Variants in LTN1 observed in about 807,000 individuals in gnomAD.
The protein encoded by LTN1 is listerin E3 ubiquitin protein ligase 1.
In LTN1, 88 loss-of-function variants were observed where a neutral mutation model predicts 201.2. That is an observed-to-expected ratio of 0.44 (90% CI 0.37 to 0.52). LTN1 has a LOEUF of 0.52. Ranked by LOEUF, LTN1 falls within the 20% of genes least tolerant of loss-of-function variation. The pLI is 0.00. For synonymous variants in LTN1, 645 were observed against 713.5 expected (o/e 0.90, Z 1.53); for missense variants, 1,752 against 2,038.7 (o/e 0.86, Z 2.71).
intron 6 of LTN1, among the ~76,000 whole-genome samples, chr21:28,972,693 G>A (rs2084584913): frequency 6.6e-6 from 1 of 152,130 alleles, no homozygotes; most frequent in African/African-American, 2.4e-5. Flanking sequence ...ATAAAGTGAG[G>A]CTTAATATCT....
chr21:28,934,541 C>T (rs1036461567), intron 27 of LTN1, among the ~76,000 whole-genome samples: 3 of 152,142 alleles, frequency 2.0e-5, no homozygotes, highest in Admixed American at 2.0e-4. Flanking sequence ...ATGTGAAGTG[C>T]TGACTCCCAT....
intron 1 of LTN1, among the ~76,000 whole-genome samples, chr21:28,989,993 G>C (rs2084732699): frequency 6.6e-6 from 1 of 151,024 alleles, no homozygotes; most frequent in African/African-American, 2.4e-5. Flanking sequence ...AAAAAAAAAA[G>C]TTATCTATGT....
At chr21:28,975,216 TACG>T (rs2146307899) in intron 6 of LTN1, among the ~76,000 whole-genome samples, 1 of 151,908 alleles carries the variant, frequency 6.6e-6, no homozygotes, top group South Asian at 2.1e-4. Flanking sequence ...TAAAGGAAAA[TACG>T]ATGAGGATGA....
At position 28,933,564 on chromosome 21, in the gene LTN1, C is replaced by T. The variant is rs192235514; in HGVS notation, c.4876-900G>A. Among the ~76,000 whole-genome samples the T allele has an allele frequency of 2.0e-3, 298 of 152,244 alleles. 2 individuals carry two copies. Among genetic ancestry groups the T allele is most frequent in the Non-Finnish European group, 3.7e-3 (254 of 68,004 alleles). On this transcript the variant is annotated intron_variant, in intron 27 of 29. Transcript: ENST00000361371. ...ATTCTATTCACCCTTGGGACTCCTA[C>T]GCATTATTTGGGTTGGAGTACTGCA...
intron 4 of LTN1, among the ~76,000 whole-genome samples, chr21:28,983,284 T>C (rs1332919900): frequency 6.6e-6 from 1 of 152,184 alleles, no homozygotes; most frequent in African/African-American, 2.4e-5. Context: ...CAAGAACAAA[T>C]TTATTTTCTA....
intron 6 of LTN1, among the ~76,000 whole-genome samples, chr21:28,977,480 T>C (rs1472477465): frequency 6.6e-6 from 1 of 151,490 alleles, no homozygotes; most frequent in East Asian, 2.0e-4. Flanking sequence ...TAATCCCAAA[T>C]GGGAGGCTGA....
At position 28,960,604 on chromosome 21, in the gene LTN1, C is replaced by G; in HGVS notation, c.2266G>C (p.Asp756His). The change falls in exon 12 of 30, where the codon GAC (aspartate) becomes CAC (histidine). Residue 756 changes from aspartate to histidine, a missense_variant. Physicochemically the swap from Asp to His is moderately conservative, Grantham distance 81. Coordinates refer to ENST00000361371, the MANE Select transcript of LTN1 (RefSeq NM_015565.3). ...TCTGAAGATACCCTGGATTCCAAGT[C>G]CTCATTACAAAGACAATCTGCCAAG... Reference protein sequence around the residue: ...VNLADCLCNEDLESRVSSESH... With the variant: ...VNLADCLCNEHLESRVSSESH... The G allele has an allele frequency of 6.2e-7, 1 of 1,613,818 alleles. No homozygotes were observed. Among genetic ancestry groups the G allele is most frequent in the Non-Finnish European group, 8.5e-7 (1 of 1,179,740 alleles).
chr21:28,936,057 G>C (rs1365614762), intron 26 of LTN1, among the ~76,000 whole-genome samples: 1 of 152,030 alleles, frequency 6.6e-6, no homozygotes, highest in African/African-American at 2.4e-5. Flanking sequence ...AGAAGTCTTG[G>C]AATACCCAAC....
rs2084514382 is a variant in LTN1, at chr21:28,965,529, G to C, written c.2163+336C>G. The stretch of plus-strand genomic sequence containing the variant: ...GAACCTCCAATCCATTTCTGCAGTA[G>C]AAAAAGTAACTAGAATAACAGCAGA... On this transcript the variant is annotated intron_variant, in intron 11 of 29. Coordinates refer to ENST00000361371, the MANE Select transcript of LTN1 (RefSeq NM_015565.3). 2.0e-5 allele frequency among the ~76,000 whole-genome samples: 3 copies of C among 152,200 alleles called. No homozygotes were observed. In the South Asian group the frequency reaches 6.2e-4, roughly 32 times the overall value.
chr21:28,967,133 T>A lies in LTN1; in HGVS notation c.1358A>T (p.His453Leu), dbSNP rs758419061. The change falls in exon 10 of 30, where the codon CAT becomes CTT. Residue 453 changes from histidine to leucine, a missense_variant. By Grantham distance (99) the His-to-Leu change is moderately conservative. Around this residue, in one of 3 missense-constraint regions of LTN1, gnomAD observed 1,211 missense variants for 1,312.8 expected, o/e 0.92. Coordinates refer to ENST00000361371, the MANE Select transcript of LTN1 (RefSeq NM_015565.3). The part of the protein sequence containing the change: ...DAVLKDPGLQ[H>L]GQLFNHLAET... ...TGCTAAATGGTTAAATAGCTGCCCA[T>A]GTTGCAATCCTGGGTCTTTGAGAAC... 2.5e-6 allele frequency: 4 copies of A among 1,614,048 alleles called. No individual in the cohort carries two copies. The East Asian group carries it at 8.9e-5, about 36-fold the overall frequency.
chr21:28,960,825 T>C (rs1320508568), intron 11 of LTN1, 119 bp from the exon 12 acceptor site: 7 of 616,028 alleles, frequency 1.1e-5, no homozygotes, highest in South Asian at 4.3e-5. Flanking sequence ...CTATCCCCCC[T>C]CCTCCTCCTC....
At chr21:28,954,368 T>A (rs540226704) in intron 16 of LTN1, among the ~76,000 whole-genome samples, 1 of 152,316 alleles carries the variant, frequency 6.6e-6, no homozygotes, top group South Asian at 2.1e-4. Flanking sequence ...TTTCTGCAAA[T>A]TCTCTACCTT....
chr21:28,962,196 G>A (rs972381183), intron 11 of LTN1, among the ~76,000 whole-genome samples: 5 of 152,062 alleles, frequency 3.3e-5, no homozygotes, highest in Admixed American at 1.3e-4. Flanking sequence ...AATGCCTCTC[G>A]AGTTAGCAAG....
chr21:28,940,244 A>G (rs1019015814), intron 25 of LTN1, among the ~76,000 whole-genome samples: 8 of 152,182 alleles, frequency 5.3e-5, no homozygotes, highest in African/African-American at 1.9e-4. Flanking sequence ...CAGTGGCATG[A>G]TCTCAGCTCA....
intron 11 of LTN1, among the ~76,000 whole-genome samples, chr21:28,961,841 T>A (rs1425811371): frequency 6.6e-6 from 1 of 152,182 alleles, no homozygotes; most frequent in East Asian, 1.9e-4. Context: ...TGAAACCTTG[T>A]CTCTACTAAA....
chr21:28,946,119 T>A, intron 20 of LTN1, 33 bp downstream of exon 20: 1 of 1,548,536 alleles, frequency 6.5e-7, no homozygotes, highest in Non-Finnish European at 8.7e-7. Flanking sequence ...AATTGTATAC[T>A]GAAGGAAAAA....
chr21:28,931,438 G>C, intron 28 of LTN1, 116 bp from the exon 29 acceptor site: 2 of 644,380 alleles, frequency 3.1e-6, no homozygotes, highest in Non-Finnish European at 5.2e-6. Context: ...AATCTGCTTG[G>C]CTATGTTCAT....
At chr21:28,943,983 G>GATCTAAGAAA in intron 22 of LTN1, 79 bp from the exon 23 acceptor site, 2 of 853,280 alleles carry the variant, frequency 2.3e-6, no homozygotes, top group East Asian at 4.8e-5. Flanking sequence ...ACAATCAAAT[G>GATCTAAGAAA]TCATTTAAGA....
chr21:28,962,231 G>C (rs1270048886), intron 11 of LTN1, among the ~76,000 whole-genome samples: 1 of 152,066 alleles, frequency 6.6e-6, no homozygotes, highest in Non-Finnish European at 1.5e-5. Context: ...ATAATGTACA[G>C]GCATACCTTG....
Sources: allele counts gnomAD v4.1 joint callset (sites outside exome capture counted in the v4.1 genomes callset), GRCh38; gene constraint gnomAD v4.1.1; regional missense constraint gnomAD v4.1.1; transcripts MANE v1.5; gene names NCBI Gene and HGNC (gene_info 2026-07-23, HGNC 2026-07-21).